GNAL: variants seen among roughly 807,000 people sequenced by gnomAD.
GNAL encodes guanine nucleotide-binding protein G(olf) subunit alpha.
In GNAL, 18 loss-of-function variants were observed where a neutral mutation model predicts 55.1. The observed-to-expected ratio is 0.33, with a 90% CI of 0.23 to 0.48. GNAL has a LOEUF of 0.48. GNAL is among the 20% of genes least tolerant of loss of function. The pLI is 0.99. For missense variants in GNAL, 412 were observed against 614.1 expected, an observed-to-expected ratio of 0.67 and a Z score of 3.48; for synonymous variants, 253 against 237.0, an observed-to-expected ratio of 1.07 and a Z score of -0.62.
chr18:11,741,050 A>G (rs917622088), intron 1 of GNAL, among the ~76,000 whole-genome samples: 7 of 152,258 alleles, frequency 4.6e-5, no homozygotes, highest in African/African-American at 1.7e-4. Context: ...ACTAAACCAA[A>G]GTCTAAAAGA....
chr18:11,852,113 G>A, intron 5 of GNAL: 1 of 1,588,180 alleles, frequency 6.3e-7, no homozygotes, highest in Non-Finnish European at 8.6e-7. Context: ...CAAGTGTGAC[G>A]GCAGAACCCG....
chr18:11,757,552 G>A (rs2033099233), intron 4 of GNAL, among the ~76,000 whole-genome samples: 1 of 152,170 alleles, frequency 6.6e-6, no homozygotes. Context: ...ATTTATTTTG[G>A]AAACAACCAT....
chr18:11,859,433 A>G (rs1047888916), intron 5 of GNAL, among the ~76,000 whole-genome samples: 6 of 152,156 alleles, frequency 3.9e-5, no homozygotes, highest in Non-Finnish European at 1.5e-5. Flanking sequence ...TCACCCCACC[A>G]CATTCCAGGC....
chr18:11,884,723 C>A lies in GNAL; in HGVS notation c.*3588C>A. 1 of 1,395,366 alleles carries A rather than the reference C, an allele frequency of 7.2e-7. No homozygotes were observed. Among genetic ancestry groups the A allele is most frequent in the Non-Finnish European group, 9.8e-7 (1 of 1,018,846 alleles). The allele number at this position is 1,395,366 out of a possible 1,614,324, so 86.4% of individuals were successfully genotyped here. ...CAGAGGGAAGACTGCCTTCTCAGGT[C>A]CCCCTCAGGTGAGGCAGGGAACGGG... On this transcript the variant is annotated 3_prime_UTR_variant, in exon 12 of 12. Transcript: ENST00000334049.
intron 4 of GNAL, among the ~76,000 whole-genome samples, chr18:11,762,787 A>G (rs1351858974): frequency 6.6e-6 from 1 of 152,266 alleles, no homozygotes. Flanking sequence ...TTCCGAATTC[A>G]TAAAGAGACC....
intron 4 of GNAL, among the ~76,000 whole-genome samples, chr18:11,769,275 A>G (rs1184901184): frequency 6.6e-6 from 1 of 150,764 alleles, no homozygotes; most frequent in Non-Finnish European, 1.5e-5. Flanking sequence ...TGTGGTATAG[A>G]CTAGACATTC....
chr18:11,834,214 A>G (rs116078629), intron 5 of GNAL, among the ~76,000 whole-genome samples: 9,152 of 152,250 alleles, frequency 0.06, 394 homozygotes, highest in African/African-American at 0.12. Context: ...ACAAAATTGG[A>G]ATTCAGTGGT....
At chr18:11,816,599 A>G (rs1385694084) in intron 4 of GNAL, among the ~76,000 whole-genome samples, 1 of 152,014 alleles carries the variant, frequency 6.6e-6, no homozygotes, top group Non-Finnish European at 1.5e-5. Flanking sequence ...CGGCCACTCT[A>G]ATTTTTTTTA....
At position 11,818,166 on chromosome 18, in the gene GNAL, G is replaced by C. The variant is rs187137653; in HGVS notation, c.625-6752G>C. The stretch of plus-strand genomic sequence containing the variant: ...GAGAATGGCTTGAACCCAGGAGGCA[G>C]AGGAGAATTTTAGATAAACTGTGTA... On this transcript the variant is annotated intron_variant, in intron 4 of 11. Coordinates refer to ENST00000334049, the MANE Select transcript of GNAL (RefSeq NM_182978.4). 4.5e-3 allele frequency among the ~76,000 whole-genome samples: 678 copies of C among 152,214 alleles called. 5 individuals carry two copies. The highest frequency in any genetic ancestry group is 6.8e-3 in the Middle Eastern group (2 of 292).
Position 11,857,693 on chromosome 18 carries a change from C to T in GNAL, c.723-4702C>T, listed in dbSNP as rs115672780. The T allele has an allele frequency of 1.7e-4, 166 of 985,316 alleles. No homozygotes were observed. The African/African-American group carries it at 2.1e-3, about 13-fold the overall frequency. 61.0% of individuals were successfully genotyped at this position (985,316 alleles called of 1,614,324 possible). On this transcript the variant is annotated intron_variant, in intron 5 of 11. Transcript: ENST00000334049. The stretch of plus-strand genomic sequence containing the variant: ...GCTGACGCAGTGGGTCTGCCAGTGA[C>T]GCCGATATGCTGCGAGTCTGGGAAC...
intron 4 of GNAL, among the ~76,000 whole-genome samples, chr18:11,754,694 C>A (rs987961397): frequency 6.6e-5 from 10 of 152,130 alleles, no homozygotes; most frequent in African/African-American, 2.4e-4. Flanking sequence ...GCCTTCAGAT[C>A]AATTGAGAAA....
chr18:11,689,304 G>A lies in GNAL; in HGVS notation c.-260G>A. ...TCTGGGCGTTAGCAAGTGATCTCCAGCCAAGGCGGCCGCCACCCCTTGCAC... is the reference window on the plus strand; with the variant it reads ...TCTGGGCGTTAGCAAGTGATCTCCAACCAAGGCGGCCGCCACCCCTTGCAC... On this transcript the variant is annotated 5_prime_UTR_variant, in exon 1 of 12. Coordinates refer to ENST00000334049, the MANE Select transcript of GNAL (RefSeq NM_182978.4). The A allele has an allele frequency of 3.3e-6, 1 of 307,066 alleles. No individual in the cohort carries two copies. Among genetic ancestry groups the A allele is most frequent in the Non-Finnish European group, 6.0e-6 (1 of 167,280 alleles). 19.0% of individuals were successfully genotyped at this position (307,066 alleles called of 1,614,324 possible).
intron 1 of GNAL, among the ~76,000 whole-genome samples, chr18:11,733,482 G>T (rs2032389068): frequency 6.6e-6 from 1 of 152,160 alleles, no homozygotes; most frequent in Admixed American, 6.5e-5. Flanking sequence ...TCACTGGTGT[G>T]TTCTCATTTT....
intron 1 of GNAL, among the ~76,000 whole-genome samples, chr18:11,691,414 T>G (rs1449709181): frequency 6.6e-6 from 1 of 151,328 alleles, no homozygotes; most frequent in Non-Finnish European, 1.5e-5. Flanking sequence ...GTAGGTTGCC[T>G]GTTTACTCTG....
chr18:11,732,697 A>G (rs961400261), intron 1 of GNAL, among the ~76,000 whole-genome samples: 1 of 152,244 alleles, frequency 6.6e-6, no homozygotes, highest in Non-Finnish European at 1.5e-5. Flanking sequence ...GGTTCTAAAT[A>G]TGGATCTTCC....
At chr18:11,699,054 A>C (rs1008804324) in intron 1 of GNAL, among the ~76,000 whole-genome samples, 1 of 152,192 alleles carries the variant, frequency 6.6e-6, no homozygotes, top group South Asian at 2.1e-4. Context: ...TCACTTCATG[A>C]TATTGAAAGT....
chr18:11,776,709 A>C (rs1236715468), intron 4 of GNAL, among the ~76,000 whole-genome samples: 2 of 90,856 alleles, frequency 2.2e-5, no homozygotes, highest in East Asian at 8.7e-4. Flanking sequence ...TCCTGCCTCA[A>C]AAAAAAAAAA....
At chr18:11,788,549 A>G (rs1598458664) in intron 4 of GNAL, among the ~76,000 whole-genome samples, 1 of 152,290 alleles carries the variant, frequency 6.6e-6, no homozygotes, top group East Asian at 1.9e-4. Context: ...ATCTTGATTC[A>G]TTAAAACTTA....
chr18:11,757,826 G>A (rs865938962), intron 4 of GNAL, among the ~76,000 whole-genome samples: 3 of 152,098 alleles, frequency 2.0e-5, no homozygotes, highest in African/African-American at 4.8e-5. Context: ...AGTGCTGACC[G>A]GGGAGTCAAG....
Sources: gnomAD v4.1 joint callset for allele counts (sites outside exome capture counted in the v4.1 genomes callset) on GRCh38, gnomAD v4.1.1 for gene constraint, MANE v1.5 for transcripts, NCBI Gene and HGNC (gene_info 2026-07-23, HGNC 2026-07-21) for gene names.